Variants in RFPL1 observed in about 807,000 individuals in gnomAD.
RFPL1 encodes the protein ret finger protein like 1, also known as ret finger protein-like 1.
Under a neutral mutation model 9.6 loss-of-function variants are expected in RFPL1, and 6 were observed. That is an observed-to-expected ratio of 0.62 (90% confidence interval 0.34 to 1.23). The LOEUF (loss-of-function observed/expected upper bound fraction) is 1.23. RFPL1 is among the 50% of genes most tolerant of loss of function. RFPL1 has a pLI of 0.03. For missense variants in RFPL1, 352 were observed against 398.4 expected (o/e 0.88, Z 0.99); for synonymous variants, 145 against 149.4 (o/e 0.97, Z 0.22).
the RFPL1 span, among the ~76,000 whole-genome samples, chr22:29,408,865 A>C: frequency 2.6e-5 from 4 of 152,278 alleles, no homozygotes; most frequent in South Asian, 8.3e-4. Flanking sequence ...ATTCCAAAAA[A>C]CCCACTGCAT....
chr22:29,416,979 T>C, the RFPL1 span, among the ~76,000 whole-genome samples: 1 of 152,180 alleles, frequency 6.6e-6, no homozygotes, highest in African/African-American at 2.4e-5. Context: ...TCTGGAATCA[T>C]CATATCCCCT....
chr22:29,425,119 G>A, the RFPL1 span, among the ~76,000 whole-genome samples: 1 of 150,456 alleles, frequency 6.6e-6, no homozygotes, highest in Non-Finnish European at 1.5e-5. Flanking sequence ...CAGGAGAATG[G>A]CGTGGACCCG....
At chr22:29,395,915 G>A in the RFPL1 span, among the ~76,000 whole-genome samples, 1 of 152,166 alleles carries the variant, frequency 6.6e-6, no homozygotes, top group African/African-American at 2.4e-5. Context: ...AGAGGTTGCA[G>A]TGAGCTGAGA....
the RFPL1 span, among the ~76,000 whole-genome samples, chr22:29,391,794 G>T: frequency 2.6e-5 from 4 of 152,216 alleles, no homozygotes; most frequent in African/African-American, 9.6e-5. Context: ...CCCAGTGCAA[G>T]GGAGCCAGGT....
chr22:29,419,541 A>G, the RFPL1 span, among the ~76,000 whole-genome samples: 1 of 152,256 alleles, frequency 6.6e-6, no homozygotes, highest in African/African-American at 2.4e-5. Flanking sequence ...ACGGTGGCTC[A>G]TGTCTGTAAT....
chr22:29,395,158 G>A, the RFPL1 span, among the ~76,000 whole-genome samples: 1 of 152,114 alleles, frequency 6.6e-6, no homozygotes, highest in African/African-American at 2.4e-5. Flanking sequence ...GTGCGCACAG[G>A]TGCCACTAAC....
At chr22:29,436,841 T>G (rs2062811123), upstream of RFPL1, 1 of 152,154 alleles carries the variant, frequency 6.6e-6, no homozygotes, top group Admixed American at 6.5e-5. Context: ...TTATTTTTAA[T>G]TATGCAAAAA....
the RFPL1 span, among the ~76,000 whole-genome samples, chr22:29,432,399 A>T: frequency 6.6e-6 from 1 of 151,980 alleles, no homozygotes; most frequent in African/African-American, 2.4e-5. Context: ...TCCTGTAACC[A>T]TTTGTCTTTT....
At chr22:29,439,400 G>A (rs551906085) in intron 1 of RFPL1, 15 of 589,086 alleles carry the variant, frequency 2.5e-5, no homozygotes, top group Non-Finnish European at 3.5e-5. Context: ...TTGGGAGGCC[G>A]AGGCGGGTGG....
At chr22:29,435,573 A>G (rs2062804766), upstream of RFPL1, among the ~76,000 whole-genome samples, 2 of 152,006 alleles carry the variant, frequency 1.3e-5, no homozygotes, top group African/African-American at 2.4e-5. Flanking sequence ...AATTCATTCC[A>G]ATCATGTAAA....
chr22:29,398,871 C>T, the RFPL1 span, among the ~76,000 whole-genome samples: 48 of 152,204 alleles, frequency 3.2e-4, 1 homozygote, highest in African/African-American at 7.9e-4. Context: ...CTCTCTGGAA[C>T]GAATATACAA....
At chr22:29,411,775 CAG>C in the RFPL1 span, among the ~76,000 whole-genome samples, 1 of 152,158 alleles carries the variant, frequency 6.6e-6, no homozygotes, top group Admixed American at 6.5e-5. Context: ...TGGTAGAAAT[CAG>C]GAACTGAAAA....
At chr22:29,427,199 T>A in the RFPL1 span, among the ~76,000 whole-genome samples, 12 of 152,150 alleles carry the variant, frequency 7.9e-5, no homozygotes, top group African/African-American at 2.9e-4. Flanking sequence ...GGCCTGACAG[T>A]GCCCAGGACT....
chr22:29,431,667 C>T, the RFPL1 span, among the ~76,000 whole-genome samples: 2 of 150,880 alleles, frequency 1.3e-5, no homozygotes, highest in African/African-American at 2.5e-5. Context: ...GTTATTTCAG[C>T]GTGTAATCAA....
chr22:29,425,442 A>G, the RFPL1 span, among the ~76,000 whole-genome samples: 1 of 152,106 alleles, frequency 6.6e-6, no homozygotes, highest in African/African-American at 2.4e-5. Flanking sequence ...CCTGGGACCA[A>G]CCCTTAGCTC....
chr22:29,394,980 T>C, the RFPL1 span, among the ~76,000 whole-genome samples: 1 of 152,160 alleles, frequency 6.6e-6, no homozygotes, highest in Non-Finnish European at 1.5e-5. Flanking sequence ...TCTCGTGAAA[T>C]GACCCACTGT....
chr22:29,398,747 C>T, the RFPL1 span, among the ~76,000 whole-genome samples: 26 of 152,212 alleles, frequency 1.7e-4, no homozygotes, highest in South Asian at 2.3e-3. Context: ...TTCTTTTAGT[C>T]TCCCGTGTAG....
chr22:29,437,624 G>C, upstream of RFPL1: 1 of 1,589,922 alleles, frequency 6.3e-7, no homozygotes, highest in Non-Finnish European at 8.6e-7. Flanking sequence ...ATGACCCAGT[G>C]GGAGGTGGGA....
intron 1 of RFPL1, chr22:29,439,948 T>C (rs575758859): frequency 2.8e-4 from 42 of 152,408 alleles, no homozygotes; most frequent in African/African-American, 9.9e-4. Flanking sequence ...GGAGCACCTA[T>C]GGTGTTTGTT....
Sources: gnomAD v4.1 joint callset for allele counts (sites outside exome capture counted in the v4.1 genomes callset) on GRCh38, gnomAD v4.1.1 for gene constraint, MANE v1.5 for transcripts, NCBI Gene and HGNC (gene_info 2026-07-23, HGNC 2026-07-21) for gene names.